The following TRPM3 variants were observed in gnomAD, a reference collection of about 807,000 sequenced individuals.
The protein encoded by TRPM3 is transient receptor potential cation channel subfamily M member 3, also known as long transient receptor potential channel 3.
A neutral mutation model predicts 181.2 loss-of-function variants in TRPM3; 77 were observed. The ratio of observed to expected loss-of-function variants is 0.42; its 90% CI spans 0.35 to 0.51. TRPM3 has a LOEUF of 0.51. TRPM3 is among the 20% of genes least tolerant of loss of function. TRPM3 has a pLI of 0.01. For missense variants in TRPM3, 1,759 were observed against 2,196.7 expected, an observed-to-expected ratio of 0.80 and a Z score of 3.98; for synonymous variants, 745 against 796.4, an observed-to-expected ratio of 0.94 and a Z score of 1.09.
rs529321707 is a variant in TRPM3, at chr9:70,529,323, C to A, written c.*6630G>T. ...AAGGAAAAGATGTATATATATTCAG[C>A]AAACCCAATTTTAAAACCATTGTAT... On this transcript the variant is annotated 3_prime_UTR_variant, in exon 26 of 26. Coordinates refer to ENST00000677713, the MANE Select transcript of TRPM3 (RefSeq NM_001366145.2). 1 of 152,236 alleles carries A rather than the reference C, an allele frequency of 6.6e-6. No homozygotes were observed. The highest frequency in any genetic ancestry group is 1.5e-5 in the Non-Finnish European group (1 of 68,020). 9.4% of individuals were successfully genotyped at this position (152,236 alleles called of 1,614,324 possible).
chr9:71,262,219 A>T (rs1335366825), intron 1 of TRPM3, among the ~76,000 whole-genome samples: 1 of 152,122 alleles, frequency 6.6e-6, no homozygotes, highest in Non-Finnish European at 1.5e-5. Flanking sequence ...CTGTCCAGAG[A>T]GGAGGAATCT....
chr9:71,295,526 A>AAATCATTTCT (rs1272422862), intron 1 of TRPM3, among the ~76,000 whole-genome samples: 37 of 151,846 alleles, frequency 2.4e-4, no homozygotes, highest in Middle Eastern at 3.4e-3. Flanking sequence ...ACATGTATCT[A>AAATCATTTCT]AAGTCTCTGA....
intron 1 of TRPM3, among the ~76,000 whole-genome samples, chr9:70,878,471 G>C (rs2095913747): frequency 6.6e-6 from 1 of 152,030 alleles, no homozygotes. Context: ...TTTAGTTTCT[G>C]AGGAGGTACA....
chr9:70,953,684 A>G (rs542190990), intron 1 of TRPM3, among the ~76,000 whole-genome samples: 15 of 152,274 alleles, frequency 9.9e-5, no homozygotes, highest in Middle Eastern at 3.4e-3. Flanking sequence ...CCAGGTTCCA[A>G]AGGTAATGTG....
chr9:70,888,097 T>C (rs1192767444), intron 1 of TRPM3, among the ~76,000 whole-genome samples: 2 of 152,168 alleles, frequency 1.3e-5, no homozygotes, highest in Non-Finnish European at 1.5e-5. Flanking sequence ...CATTCTTTAA[T>C]TGCCTCTGGC....
intron 1 of TRPM3, among the ~76,000 whole-genome samples, chr9:71,015,818 A>G (rs1210939660): frequency 6.6e-6 from 1 of 152,162 alleles, no homozygotes; most frequent in Admixed American, 6.6e-5. Flanking sequence ...TGGAATATTC[A>G]TGTGTCACAC....
At chr9:70,639,882 A>G (rs2057789458) in intron 10 of TRPM3, among the ~76,000 whole-genome samples, 1 of 152,150 alleles carries the variant, frequency 6.6e-6, no homozygotes, top group Non-Finnish European at 1.5e-5. Context: ...GAAACTCTCT[A>G]GGGGAAAGGA....
chr9:71,052,172 A>G (rs925581127), intron 1 of TRPM3, among the ~76,000 whole-genome samples: 1 of 152,156 alleles, frequency 6.6e-6, no homozygotes, highest in Non-Finnish European at 1.5e-5. Flanking sequence ...CACAGTAAAG[A>G]GATATGATCT....
intron 6 of TRPM3, among the ~76,000 whole-genome samples, chr9:70,817,181 C>T (rs1003319478): frequency 5.3e-5 from 8 of 152,204 alleles, no homozygotes; most frequent in African/African-American, 1.9e-4. Context: ...CTACATATTT[C>T]TAATCACCTT....
chr9:70,793,691 T>G (rs771073656), intron 6 of TRPM3: 3 of 469,624 alleles, frequency 6.4e-6, no homozygotes, highest in South Asian at 4.7e-5. Flanking sequence ...TTTGTAACTA[T>G]GAAAACCTGG....
At chr9:70,816,610 C>T (rs2092714178) in intron 6 of TRPM3, among the ~76,000 whole-genome samples, 1 of 151,942 alleles carries the variant, frequency 6.6e-6, no homozygotes. Flanking sequence ...AATTATCTTC[C>T]AGGATTCATC....
chr9:71,052,953 T>G (rs1482885261), intron 1 of TRPM3, among the ~76,000 whole-genome samples: 2 of 151,998 alleles, frequency 1.3e-5, no homozygotes, highest in Non-Finnish European at 2.9e-5. Flanking sequence ...AATATTATAC[T>G]ACTATCAAGA....
chr9:71,030,604 A>T (rs2057170234), intron 1 of TRPM3, among the ~76,000 whole-genome samples: 2 of 151,944 alleles, frequency 1.3e-5, no homozygotes, highest in African/African-American at 2.4e-5. Context: ...AATAACACCC[A>T]GGTATCCTTT....
chr9:71,255,734 CTT>C (rs1229423317), intron 1 of TRPM3, among the ~76,000 whole-genome samples: 1 of 152,098 alleles, frequency 6.6e-6, no homozygotes, highest in Non-Finnish European at 1.5e-5. Context: ...TTGGGCAAGT[CTT>C]TTATTCTGTG....
At chr9:71,361,238 C>A (rs2092132391) in intron 1 of TRPM3, among the ~76,000 whole-genome samples, 1 of 152,214 alleles carries the variant, frequency 6.6e-6, no homozygotes, top group African/African-American at 2.4e-5. Context: ...CCGCCCACCT[C>A]AGCCTCCCAG....
At chr9:70,844,718 A>T (rs10124944) in intron 4 of TRPM3, among the ~76,000 whole-genome samples, 86,315 of 152,134 alleles carry the variant, frequency 0.57, 24,855 homozygotes, top group Non-Finnish European at 0.58. Context: ...AGATGAACTC[A>T]TGGGTTTGTG....
intron 8 of TRPM3, among the ~76,000 whole-genome samples, chr9:70,758,869 A>C (rs1378403574): frequency 6.6e-6 from 1 of 152,264 alleles, no homozygotes; most frequent in East Asian, 1.9e-4. Flanking sequence ...ACCTAAAACC[A>C]TAAAAACCCT....
intron 8 of TRPM3, among the ~76,000 whole-genome samples, chr9:70,751,789 A>G (rs2076170447): frequency 6.6e-6 from 1 of 152,132 alleles, no homozygotes; most frequent in Non-Finnish European, 1.5e-5. Context: ...TGTTTAGAGA[A>G]TGACTGTAGA....
intron 18 of TRPM3, among the ~76,000 whole-genome samples, chr9:70,611,642 G>A (rs913051465): frequency 2.0e-5 from 3 of 152,146 alleles, no homozygotes; most frequent in African/African-American, 7.2e-5. Flanking sequence ...AACAGTTAGC[G>A]ACTTCTCCCT....
Sources: gnomAD v4.1 joint callset for allele counts (sites outside exome capture counted in the v4.1 genomes callset) on GRCh38, gnomAD v4.1.1 for gene constraint, MANE v1.5 for transcripts, NCBI Gene and HGNC (gene_info 2026-07-23, HGNC 2026-07-21) for gene names.